PBRM1: variants seen among roughly 807,000 people sequenced by gnomAD.
The protein encoded by PBRM1 is polybromo 1, also known as protein polybromo-1.
A neutral mutation model predicts 194.5 loss-of-function variants in PBRM1; 27 were observed. The observed-to-expected ratio is 0.14, with a 90% CI of 0.10 to 0.19. The LOEUF (loss-of-function observed/expected upper bound fraction) is 0.19, where lower values mean the gene tolerates loss of function less well. Ranked by LOEUF, PBRM1 falls within the 10% of genes least tolerant of loss-of-function variation. The pLI, the probability that PBRM1 is intolerant of heterozygous loss-of-function variation, is 1.00. For missense variants in PBRM1, 1,466 were observed against 2,077.2 expected, an observed-to-expected ratio of 0.71 and a Z score of 5.72; for synonymous variants, 655 against 693.2, an observed-to-expected ratio of 0.94 and a Z score of 0.87.
chr3:52,567,646 A>C (rs561344255), intron 22 of PBRM1, among the ~76,000 whole-genome samples: 2 of 151,042 alleles, frequency 1.3e-5, no homozygotes, highest in South Asian at 4.2e-4. Context: ...TTTAACTAGC[A>C]TTTCTCTAAT....
chr3:52,620,104 T>C (rs73839117), intron 13 of PBRM1, among the ~76,000 whole-genome samples: 2,942 of 152,292 alleles, frequency 0.019, 101 homozygotes, highest in African/African-American at 0.067. Context: ...CCTGGGGCAA[T>C]GATGTGACAG....
intron 16 of PBRM1, among the ~76,000 whole-genome samples, chr3:52,607,229 A>G (rs902943021): frequency 6.6e-6 from 1 of 152,152 alleles, no homozygotes; most frequent in Non-Finnish European, 1.5e-5. Context: ...AGCAATCACA[A>G]TACTATCTTT....
intron 24 of PBRM1, 100 bp from the exon 27 acceptor site, chr3:52,562,068 TC>T: frequency 1.2e-6 from 1 of 846,546 alleles, no homozygotes. Context: ...ACACCTGTAA[TC>T]CCAGCACTTT....
intron 10 of PBRM1, among the ~76,000 whole-genome samples, chr3:52,636,549 A>G (rs2095819279): frequency 6.6e-6 from 1 of 151,484 alleles, no homozygotes; most frequent in Non-Finnish European, 1.5e-5. Context: ...TGAGGTCAGT[A>G]GTTCAAGACC....
intron 10 of PBRM1, among the ~76,000 whole-genome samples, chr3:52,638,265 G>A (rs192206850): frequency 2.0e-3 from 301 of 152,184 alleles, no homozygotes; most frequent in Admixed American, 2.8e-3. Context: ...AATGAACTGC[G>A]GAGCTCTTTT....
At chr3:52,652,633 C>T (rs899006631) in intron 5 of PBRM1, among the ~76,000 whole-genome samples, 12 of 149,904 alleles carry the variant, frequency 8.0e-5, no homozygotes, top group Admixed American at 3.3e-4. Flanking sequence ...GAGGTTGCAG[C>T]GAGCCGAGAT....
At chr3:52,593,844 A>G (rs2093327482) in intron 17 of PBRM1, among the ~76,000 whole-genome samples, 1 of 152,076 alleles carries the variant, frequency 6.6e-6, no homozygotes, top group Non-Finnish European at 1.5e-5. Flanking sequence ...TTTATGTCCA[A>G]TTGTGTGGTT....
At chr3:52,581,500 CAAA>C (rs1286694923) in intron 20 of PBRM1, among the ~76,000 whole-genome samples, 7 of 73,882 alleles carry the variant, frequency 9.5e-5, no homozygotes, top group East Asian at 4.3e-4. Flanking sequence ...GACTCTGTCT[CAAA>C]AAAAAAAAAA....
chr3:52,625,954 C>A (rs2095435363), intron 13 of PBRM1, among the ~76,000 whole-genome samples: 1 of 152,150 alleles, frequency 6.6e-6, no homozygotes, highest in Non-Finnish European at 1.5e-5. Context: ...CTGGCCTGGG[C>A]TAATGCTTCG....
At position 52,676,912 on chromosome 3, in the gene PBRM1, T is replaced by G. The variant is rs1041245897; in HGVS notation, c.236+1588A>C. On this transcript the variant is annotated intron_variant, in intron 2 of 29. Coordinates refer to ENST00000296302, the Ensembl canonical transcript of PBRM1. ...CAAAGAGACTGGGGCATTTCGCCCC[T>G]GCTCTAGAGATCTGTGGAAGTTTGA... 2.0e-5 allele frequency among the ~76,000 whole-genome samples: 3 copies of G among 152,372 alleles called. No individual in the cohort carries two copies. The South Asian group carries it at 6.2e-4, about 32-fold the overall frequency.
chr3:52,592,152 G>A (rs1379202883), intron 17 of PBRM1, among the ~76,000 whole-genome samples: 2 of 127,596 alleles, frequency 1.6e-5, no homozygotes, highest in Admixed American at 1.7e-4. Context: ...TTTAAGACTT[G>A]AGATGGATTC....
At chr3:52,551,292 G>A (rs574639376) in intron 27 of PBRM1, among the ~76,000 whole-genome samples, 1 of 152,318 alleles carries the variant, frequency 6.6e-6, no homozygotes, top group East Asian at 1.9e-4. Context: ...GCTTTGTGAA[G>A]GCTGAAGGCA....
At chr3:52,660,069 C>A (rs1272787204) in intron 4 of PBRM1, among the ~76,000 whole-genome samples, 1 of 152,054 alleles carries the variant, frequency 6.6e-6, no homozygotes, top group South Asian at 2.1e-4. Flanking sequence ...CCAGCCTGGG[C>A]CAAAGAGCAA....
chr3:52,578,412 T>C (rs2090246243), intron 21 of PBRM1, among the ~76,000 whole-genome samples: 1 of 152,188 alleles, frequency 6.6e-6, no homozygotes, highest in Non-Finnish European at 1.5e-5. Context: ...AGATATAAAC[T>C]GAAGCCTAGA....
chr3:52,563,223 T>G, intron 24 of PBRM1, 60 bp downstream of exon 26: 2 of 1,338,040 alleles, frequency 1.5e-6, no homozygotes, highest in Non-Finnish European at 2.1e-6. Context: ...ACTTTGGTTT[T>G]GAGTCTGCTG....
chr3:52,591,817 CTTTTTT>C (rs34822595), intron 17 of PBRM1, among the ~76,000 whole-genome samples: 1 of 94,956 alleles, frequency 1.1e-5, no homozygotes, highest in African/African-American at 4.4e-5. Context: ...TGCGCCCGGC[CTTTTTT>C]TTTTTTTTTT....
chr3:52,610,275 G>C (rs985396421), intron 15 of PBRM1, among the ~76,000 whole-genome samples: 2 of 152,206 alleles, frequency 1.3e-5, no homozygotes, highest in Non-Finnish European at 2.9e-5. Flanking sequence ...GGGATAAAAA[G>C]AGATAACGGA....
At chr3:52,598,202 C>A (rs377266348) in intron 17 of PBRM1, among the ~76,000 whole-genome samples, 1 of 152,248 alleles carries the variant, frequency 6.6e-6, no homozygotes, top group African/African-American at 2.4e-5. Context: ...ACATATAATA[C>A]AAAACAGTTA....
At chr3:52,648,784 T>G (rs192732066) in intron 6 of PBRM1, among the ~76,000 whole-genome samples, 1 of 152,208 alleles carries the variant, frequency 6.6e-6, no homozygotes, top group Non-Finnish European at 1.5e-5. Flanking sequence ...TGAATACTAA[T>G]TCTTTAAAGT....
Sources: gnomAD v4.1 joint callset for allele counts (sites outside exome capture counted in the v4.1 genomes callset) on GRCh38, gnomAD v4.1.1 for gene constraint, MANE v1.5 for transcripts, NCBI Gene and HGNC (gene_info 2026-07-23, HGNC 2026-07-21) for gene names.